Variants in CTTNBP2 observed in about 807,000 individuals in gnomAD.
The protein encoded by CTTNBP2 is cortactin binding protein 2.
CTTNBP2 carries 108 observed loss-of-function variants against 156.9 expected under a neutral mutation model. That is an observed-to-expected ratio of 0.69 (90% CI 0.59 to 0.81). CTTNBP2 has a LOEUF of 0.81. Ranked by LOEUF, CTTNBP2 falls within the 30% of genes least tolerant of loss-of-function variation. CTTNBP2 has a pLI of 0.00. For synonymous variants in CTTNBP2, 767 were observed against 751.8 expected (o/e 1.02, Z -0.33); for missense variants, 1,924 against 2,035.4 (o/e 0.95, Z 1.05).
chr7:117,813,277 A>G (rs951898777), intron 2 of CTTNBP2, among the ~76,000 whole-genome samples: 2 of 152,170 alleles, frequency 1.3e-5, no homozygotes. Context: ...TGTAGGACAA[A>G]CTACATAATC....
chr7:117,711,706 C>G lies in CTTNBP2; in HGVS notation c.4823G>C (p.Arg1608Thr). ...AGGAACAGGAAGAAAAGATTTAACT[C>G]TTGAAACACCCAACTCAGTCTTTGA... ...SKSKTELGVS[R>T]VKSFLPVPRS... Residue 1608 changes from arginine (R) to threonine (T), a missense_variant, in exon 23 of 23, where the codon AGA becomes ACA. By Grantham distance (71) the Arg-to-Thr change is moderately conservative. Coordinates refer to ENST00000160373, the MANE Select transcript of CTTNBP2 (RefSeq NM_033427.3). 6.2e-7 allele frequency: 1 copy of G among 1,614,006 alleles called. No individual in the cohort carries two copies. The highest frequency in any genetic ancestry group is 1.3e-5 in the African/African-American group (1 of 75,024).
chr7:117,832,187 A>G (rs34470165), intron 2 of CTTNBP2, among the ~76,000 whole-genome samples: 4,245 of 151,936 alleles, frequency 0.028, 220 homozygotes, highest in African/African-American at 0.098. Context: ...CCCCCTGCCC[A>G]CAGCTAGTCA....
intron 8 of CTTNBP2, 59 bp from the exon 9 acceptor site, chr7:117,767,235 C>T: frequency 1.0e-6 from 1 of 965,084 alleles, no homozygotes; most frequent in East Asian, 2.4e-5. Flanking sequence ...GAATGCAAAA[C>T]CCAAAGGAAA....
At chr7:117,773,656 C>T (rs1046498036) in intron 8 of CTTNBP2, among the ~76,000 whole-genome samples, 1 of 91,488 alleles carries the variant, frequency 1.1e-5, no homozygotes, top group Non-Finnish European at 2.0e-5. Context: ...TTAACACACA[C>T]ACACACACAC....
chr7:117,832,633 A>G (rs1165859205), intron 2 of CTTNBP2, among the ~76,000 whole-genome samples: 1 of 150,692 alleles, frequency 6.6e-6, no homozygotes, highest in Non-Finnish European at 1.5e-5. Context: ...ATGCTCTACT[A>G]TCTGAGATAT....
At chr7:117,744,427 C>T (rs1239429705) in intron 14 of CTTNBP2, among the ~76,000 whole-genome samples, 1 of 152,136 alleles carries the variant, frequency 6.6e-6, no homozygotes, top group African/African-American at 2.4e-5. Flanking sequence ...AATTAAGAAC[C>T]TGTGATGTTT....
intron 12 of CTTNBP2, 59 bp from the exon 13 acceptor site, chr7:117,746,158 G>T: frequency 8.6e-7 from 1 of 1,159,422 alleles, no homozygotes; most frequent in Middle Eastern, 1.9e-4. Context: ...AGAGAAAAAA[G>T]TGGTACACAG....
At chr7:117,871,918 G>A (rs1321846705) in intron 1 of CTTNBP2, 1 of 976,438 alleles carries the variant, frequency 1.0e-6, no homozygotes, top group African/African-American at 1.9e-5. Context: ...ACCTTTTGGG[G>A]ATGAAGGCAC....
chr7:117,789,934 G>A (rs1798901951), intron 4 of CTTNBP2, among the ~76,000 whole-genome samples: 1 of 152,126 alleles, frequency 6.6e-6, no homozygotes. Context: ...GCCTCTCAAA[G>A]ACCTTAATTT....
chr7:117,851,861 C>T (rs1406182772), intron 2 of CTTNBP2, among the ~76,000 whole-genome samples: 1 of 152,140 alleles, frequency 6.6e-6, no homozygotes, highest in Non-Finnish European at 1.5e-5. Flanking sequence ...AAGCCCAATA[C>T]ACTTTTGAGA....
intron 1 of CTTNBP2, among the ~76,000 whole-genome samples, chr7:117,865,765 A>G (rs1804150887): frequency 6.6e-6 from 1 of 150,478 alleles, no homozygotes; most frequent in African/African-American, 2.4e-5. Flanking sequence ...CAGGAAAAGC[A>G]TTCCAGAAAA....
intron 14 of CTTNBP2, among the ~76,000 whole-genome samples, chr7:117,744,271 A>G (rs985298600): frequency 6.6e-6 from 1 of 151,330 alleles, no homozygotes; most frequent in African/African-American, 2.5e-5. Flanking sequence ...AGTAGGTCTC[A>G]TTCATTCTTT....
intron 8 of CTTNBP2, among the ~76,000 whole-genome samples, chr7:117,773,678 CACACACACACACACACACACACACA>C (rs1562992302): frequency 2.7e-5 from 4 of 150,212 alleles, no homozygotes; most frequent in Non-Finnish European, 5.9e-5. Flanking sequence ...CACACACACA[CACACACACACACACACACACACACA>C]CACACCCCAA....
intron 9 of CTTNBP2, among the ~76,000 whole-genome samples, chr7:117,765,155 C>T (rs894603357): frequency 1.1e-4 from 16 of 152,200 alleles, no homozygotes; most frequent in South Asian, 2.1e-4. Flanking sequence ...AGGCTGGTCT[C>T]GAACTCCCGA....
chr7:117,857,569 T>G (rs1427838040), intron 2 of CTTNBP2, among the ~76,000 whole-genome samples: 1 of 152,194 alleles, frequency 6.6e-6, no homozygotes, highest in Non-Finnish European at 1.5e-5. Flanking sequence ...TCTAAAGAAT[T>G]TGTCTCACAA....
chr7:117,814,712 G>A (rs941709807), intron 2 of CTTNBP2, among the ~76,000 whole-genome samples: 2 of 152,206 alleles, frequency 1.3e-5, no homozygotes, highest in Admixed American at 1.3e-4. Flanking sequence ...ACAGGAGTGA[G>A]CCTCCGTGAC....
chr7:117,845,706 C>A (rs1022329217), intron 2 of CTTNBP2, among the ~76,000 whole-genome samples: 2 of 152,134 alleles, frequency 1.3e-5, no homozygotes, highest in African/African-American at 4.8e-5. Context: ...GGAGGGTTTT[C>A]AAAATTAAAA....
chr7:117,803,215 A>G (rs948151165), intron 3 of CTTNBP2, among the ~76,000 whole-genome samples: 2 of 152,218 alleles, frequency 1.3e-5, no homozygotes, highest in Non-Finnish European at 2.9e-5. Flanking sequence ...TACGCCAACT[A>G]AAAGAATGAA....
intron 8 of CTTNBP2, among the ~76,000 whole-genome samples, chr7:117,770,171 T>C (rs1797727063): frequency 6.6e-6 from 1 of 152,242 alleles, no homozygotes; most frequent in Admixed American, 6.5e-5. Flanking sequence ...CAAGACAATT[T>C]AAGTGTTATT....
Sources: allele counts gnomAD v4.1 joint callset (sites outside exome capture counted in the v4.1 genomes callset), GRCh38; gene constraint gnomAD v4.1.1; transcripts MANE v1.5; gene names NCBI Gene and HGNC (gene_info 2026-07-23, HGNC 2026-07-21).